ZNF536: variants seen among roughly 807,000 people sequenced by gnomAD.
ZNF536 encodes the protein zinc finger protein 536.
A neutral mutation model predicts 84.5 loss-of-function variants in ZNF536; 13 were observed. That is an observed-to-expected ratio of 0.15 (90% confidence interval 0.10 to 0.24). The LOEUF (loss-of-function observed/expected upper bound fraction) is 0.24. Ranked by LOEUF, ZNF536 falls within the 10% of genes least tolerant of loss-of-function variation. ZNF536 has a pLI of 1.00. For missense variants in ZNF536, 1,536 were observed against 1,747.5 expected, an observed-to-expected ratio of 0.88 and a Z score of 2.16; for synonymous variants, 811 against 742.5, an observed-to-expected ratio of 1.09 and a Z score of -1.50.
intron 1 of ZNF536, among the ~76,000 whole-genome samples, chr19:30,694,979 G>A (rs1740126092): frequency 6.6e-6 from 1 of 152,238 alleles, no homozygotes; most frequent in African/African-American, 2.4e-5. Flanking sequence ...GAGCTACCCA[G>A]TATGTCAAGG....
intron 1 of ZNF536, among the ~76,000 whole-genome samples, chr19:30,691,121 C>G (rs1476213856): frequency 6.6e-6 from 1 of 152,074 alleles, no homozygotes; most frequent in East Asian, 1.9e-4. Context: ...GACCAGAGGC[C>G]TCCCAACAAA....
At chr19:30,231,036 G>C (rs377348487) in intron 1 of ZNF536, among the ~76,000 whole-genome samples, 9 of 152,126 alleles carry the variant, frequency 5.9e-5, no homozygotes, top group African/African-American at 2.2e-4. Context: ...ATTTTTCCAG[G>C]CTGAATGAGG....
exon 2 of ZNF536, chr19:30,711,877 A>T (rs1229663932): frequency 6.6e-6 from 1 of 152,216 alleles, no homozygotes; most frequent in South Asian, 2.1e-4. Context: ...CTGGTGAGCA[A>T]TTAAAATTTA....
At chr19:30,614,410 C>T (rs984847963) in intron 1 of ZNF536, among the ~76,000 whole-genome samples, 1 of 148,232 alleles carries the variant, frequency 6.7e-6, no homozygotes, top group Admixed American at 6.9e-5. Context: ...TATATTCTCT[C>T]TTTCATAACT....
intron 1 of ZNF536, among the ~76,000 whole-genome samples, chr19:30,376,590 A>G (rs1169660272): frequency 6.6e-6 from 1 of 152,192 alleles, no homozygotes; most frequent in Non-Finnish European, 1.5e-5. Context: ...GGTCTGAAGA[A>G]GAGTGGGAAG....
At chr19:30,488,577 A>G (rs961715694) in intron 2 of ZNF536, among the ~76,000 whole-genome samples, 1 of 151,604 alleles carries the variant, frequency 6.6e-6, no homozygotes, top group Non-Finnish European at 1.5e-5. Context: ...AAAAAAAAAA[A>G]CAACCCTGAG....
intron 1 of ZNF536, among the ~76,000 whole-genome samples, chr19:30,258,210 G>T (rs1259726513): frequency 6.6e-6 from 1 of 152,192 alleles, no homozygotes. Context: ...AACCATGAAG[G>T]TGTCGCCTAC....
chr19:30,311,832 G>T (rs561649474), intron 2 of ZNF536, among the ~76,000 whole-genome samples: 1 of 152,266 alleles, frequency 6.6e-6, no homozygotes, highest in South Asian at 2.1e-4. Context: ...GCTTTGGGAG[G>T]CCAAGGCAGG....
At chr19:30,368,076 T>C (rs1257923763), upstream of ZNF536, among the ~76,000 whole-genome samples, 1 of 152,134 alleles carries the variant, frequency 6.6e-6, no homozygotes, top group Non-Finnish European at 1.5e-5. Flanking sequence ...AGAGCCTCTG[T>C]CCCTCCCTCC....
At position 30,362,007 on chromosome 19, in the gene ZNF536, G is replaced by A. The variant is rs527470264; in HGVS notation, c.-3+9523G>A. 7.3e-5 allele frequency among the ~76,000 whole-genome samples: 10 copies of A among 137,028 alleles called. No individual in the cohort carries two copies. In the South Asian group the frequency reaches 2.6e-3, roughly 36 times the overall value. The allele number at this position is 137,028 out of a possible 152,430, so 89.9% of individuals were successfully genotyped here. ...TAAAAAAGGAGGCACATTAACCCAT[G>A]ACGCCTCACTGCTGCTGCTGGTCCT... On this transcript the variant is annotated intron_variant, in intron 3 of 5. Transcript: ENST00000585628.
At chr19:30,658,660 T>C (rs1475993855) in intron 1 of ZNF536, among the ~76,000 whole-genome samples, 2 of 152,150 alleles carry the variant, frequency 1.3e-5, no homozygotes, top group African/African-American at 2.4e-5. Flanking sequence ...CCTCTGTGGG[T>C]CCCATTTTAA....
At chr19:30,682,969 CTA>C (rs1205512835) in intron 1 of ZNF536, among the ~76,000 whole-genome samples, 1 of 152,228 alleles carries the variant, frequency 6.6e-6, no homozygotes, top group Non-Finnish European at 1.5e-5. Context: ...GCAATGCGAG[CTA>C]TGATAACTGT....
intron 1 of ZNF536, among the ~76,000 whole-genome samples, chr19:30,407,734 G>T (rs1369317954): frequency 6.6e-6 from 1 of 152,182 alleles, no homozygotes; most frequent in Non-Finnish European, 1.5e-5. Flanking sequence ...AGTGGATTAT[G>T]CTTGCATACC....
intron 1 of ZNF536, among the ~76,000 whole-genome samples, chr19:30,380,566 G>C (rs2048984938): frequency 6.6e-6 from 1 of 152,212 alleles, no homozygotes; most frequent in Non-Finnish European, 1.5e-5. Flanking sequence ...ATTCCAAAGT[G>C]ATTCAACTGA....
intron 1 of ZNF536, among the ~76,000 whole-genome samples, chr19:30,646,301 T>C (rs2049466938): frequency 6.6e-6 from 1 of 152,206 alleles, no homozygotes; most frequent in African/African-American, 2.4e-5. Context: ...TTTACATCCA[T>C]CATTTCCACC....
intron 1 of ZNF536, among the ~76,000 whole-genome samples, chr19:30,388,175 A>C (rs1396367273): frequency 1.3e-5 from 2 of 152,216 alleles, no homozygotes; most frequent in African/African-American, 4.8e-5. Flanking sequence ...GTGAGTCAGA[A>C]TGAACGGTGG....
At chr19:30,382,362 G>A (rs750796627) in intron 1 of ZNF536, among the ~76,000 whole-genome samples, 6 of 152,118 alleles carry the variant, frequency 3.9e-5, no homozygotes, top group African/African-American at 7.2e-5. Context: ...AGTGCCTCCC[G>A]TGCTTTTTCT....
rs1479525312 is a variant in ZNF536, at chr19:30,602,547, G to A, written c.169+53033G>A. Among the ~76,000 whole-genome samples the A allele has an allele frequency of 2.0e-5, 3 of 152,318 alleles. No homozygotes were observed. The East Asian group carries it at 5.8e-4, about 29-fold the overall frequency. On this transcript the variant is annotated intron_variant, in intron 1 of 1. Transcript: ENST00000592773. ...TATTGTTATTCTCTCCAAGAGGTTA[G>A]CCTGCTTGTGTAAAGAAGTCAGTGA...
At chr19:30,321,785 T>C (rs939450213) in intron 2 of ZNF536, among the ~76,000 whole-genome samples, 36 of 150,824 alleles carry the variant, frequency 2.4e-4, no homozygotes, top group Admixed American at 7.3e-4. Flanking sequence ...TTCTTTCTTT[T>C]TTTTTTTTCT....
Sources: allele counts gnomAD v4.1 joint callset (sites outside exome capture counted in the v4.1 genomes callset), GRCh38; gene constraint gnomAD v4.1.1; transcripts MANE v1.5; gene names NCBI Gene and HGNC (gene_info 2026-07-23, HGNC 2026-07-21).